TTC39A: variants seen among roughly 807,000 people sequenced by gnomAD.
TTC39A encodes the protein tetratricopeptide repeat domain 39A, also known as tetratricopeptide repeat protein 39A.
A neutral mutation model predicts 82.3 loss-of-function variants in TTC39A; 46 were observed. The ratio of observed to expected loss-of-function variants is 0.56; its 90% CI spans 0.44 to 0.71. The LOEUF (loss-of-function observed/expected upper bound fraction) is 0.71, where lower values mean the gene tolerates loss of function less well. Among genes scored for constraint, TTC39A ranks in the 30% least tolerant of loss-of-function variants. The pLI is 0.00. For synonymous variants in TTC39A, 254 were observed against 275.2 expected, an observed-to-expected ratio of 0.92 and a Z score of 0.76; for missense variants, 543 against 712.9, an observed-to-expected ratio of 0.76 and a Z score of 2.71.
At chr1:51,306,522 C>T (rs1440817075) in intron 6 of TTC39A, among the ~76,000 whole-genome samples, 1 of 152,174 alleles carries the variant, frequency 6.6e-6, no homozygotes, top group South Asian at 2.1e-4. Context: ...TGTCTCCAGA[C>T]ACTGCCAAAA....
intron 1 of TTC39A, among the ~76,000 whole-genome samples, chr1:51,326,863 C>T (rs1645729897): frequency 6.6e-6 from 1 of 152,224 alleles, no homozygotes; most frequent in Non-Finnish European, 1.5e-5. Context: ...ATGGTGGCCT[C>T]TCCACTGTGT....
At chr1:51,299,492 AG>A (rs1485748456) in intron 12 of TTC39A, 2 of 152,292 alleles carry the variant, frequency 1.3e-5, no homozygotes, top group Non-Finnish European at 2.9e-5. Flanking sequence ...CCCCAGGACT[AG>A]AAGTTGGTGG....
At position 51,319,255 on chromosome 1, in the gene TTC39A, CA is replaced by C. The variant is rs772603437; in HGVS notation, c.146+2465del. ...CATATGGTTACAGAGATAAAGAAGT[CA>C]ACAGAAGGAATTAATGAGAAGGGTG... On this transcript the variant is annotated intron_variant, in intron 2 of 17. Transcript: ENST00000680483. Among the ~76,000 whole-genome samples, 7 of 151,846 alleles carry C rather than the reference CA, an allele frequency of 4.6e-5. No homozygotes were observed. The South Asian group carries it at 1.5e-3, about 32-fold the overall frequency.
At chr1:51,300,905 C>T (rs1644626424) in intron 12 of TTC39A, 1 of 152,184 alleles carries the variant, frequency 6.6e-6, no homozygotes. Flanking sequence ...TGGTTGAAAC[C>T]AAGGGGAGGA....
chr1:51,298,515 A>G (rs944230), intron 12 of TTC39A: 10,549 of 152,722 alleles, frequency 0.069, 452 homozygotes, highest in East Asian at 0.19. Flanking sequence ...CTGCCCACAG[A>G]CAGCTCACCC....
intron 14 of TTC39A, among the ~76,000 whole-genome samples, chr1:51,291,351 TGTG>T (rs1644208373): frequency 6.7e-6 from 1 of 149,000 alleles, no homozygotes; most frequent in Non-Finnish European, 1.5e-5. Flanking sequence ...ATTAGCCGGG[TGTG>T]GTGGCACACA....
chr1:51,339,696 G>A (rs1646012580), intron 1 of TTC39A, among the ~76,000 whole-genome samples: 1 of 152,156 alleles, frequency 6.6e-6, no homozygotes. Flanking sequence ...GGCTGAGGTG[G>A]GAGGATCACT....
chr1:51,343,340 C>A (rs1242739613), intron 1 of TTC39A, among the ~76,000 whole-genome samples: 1 of 152,170 alleles, frequency 6.6e-6, no homozygotes, highest in Non-Finnish European at 1.5e-5. Context: ...TAAGTAAATG[C>A]CCTGCTAAAG....
intron 1 of TTC39A, among the ~76,000 whole-genome samples, chr1:51,341,332 T>C (rs1196956878): frequency 6.6e-6 from 1 of 151,898 alleles, no homozygotes; most frequent in Non-Finnish European, 1.5e-5. Flanking sequence ...CAGGTGAGCA[T>C]TAGGAGAGAA....
chr1:51,341,228 GT>G (rs1336501907), intron 1 of TTC39A, among the ~76,000 whole-genome samples: 3 of 128,546 alleles, frequency 2.3e-5, no homozygotes, highest in Non-Finnish European at 4.6e-5. Context: ...ACCAGCTTAT[GT>G]GGCCCCAGAG....
At chr1:51,338,598 C>CTTTTT (rs982499820) in intron 1 of TTC39A, among the ~76,000 whole-genome samples, 4 of 111,834 alleles carry the variant, frequency 3.6e-5, no homozygotes, top group African/African-American at 7.0e-5. Flanking sequence ...GGAGATTTAT[C>CTTTTT]TTTTTTTTTT....
At chr1:51,317,575 C>T (rs902252267) in intron 2 of TTC39A, among the ~76,000 whole-genome samples, 1 of 152,200 alleles carries the variant, frequency 6.6e-6, no homozygotes, top group Admixed American at 6.5e-5. Context: ...ATCGTGAAAC[C>T]CTGTCTCTAC....
At chr1:51,322,385 T>C (rs1293766710) in intron 1 of TTC39A, 1 of 998,388 alleles carries the variant, frequency 1.0e-6, no homozygotes, top group Non-Finnish European at 1.3e-6. Flanking sequence ...ACCTGAGCCC[T>C]TTCCAGTCCT....
intron 2 of TTC39A, among the ~76,000 whole-genome samples, chr1:51,315,571 C>T (rs563984900): frequency 3.3e-5 from 5 of 152,328 alleles, no homozygotes; most frequent in Non-Finnish European, 7.3e-5. Context: ...CCCTACTCCA[C>T]TTTCTGGTCC....
chr1:51,310,166 G>A (rs1645031723), intron 5 of TTC39A, among the ~76,000 whole-genome samples: 1 of 152,138 alleles, frequency 6.6e-6, no homozygotes, highest in Non-Finnish European at 1.5e-5. Flanking sequence ...GAACCCAGGA[G>A]GCGGAGGTTG....
chr1:51,295,179 A>G (rs1393242183), intron 13 of TTC39A, among the ~76,000 whole-genome samples: 1 of 152,116 alleles, frequency 6.6e-6, no homozygotes, highest in East Asian at 1.9e-4. Flanking sequence ...TTCACTGTAG[A>G]ACCTCTCTTG....
At chr1:51,324,072 T>C (rs1333882881) in intron 1 of TTC39A, among the ~76,000 whole-genome samples, 1 of 152,228 alleles carries the variant, frequency 6.6e-6, no homozygotes, top group African/African-American at 2.4e-5. Flanking sequence ...GTTACTTTTT[T>C]AAGTTTATGG....
intron 1 of TTC39A, among the ~76,000 whole-genome samples, chr1:51,344,205 G>A (rs1646069818): frequency 6.6e-6 from 1 of 152,186 alleles, no homozygotes; most frequent in Non-Finnish European, 1.5e-5. Flanking sequence ...AGTTTGAGGT[G>A]TTCATAGGAC....
intron 1 of TTC39A, among the ~76,000 whole-genome samples, chr1:51,342,346 A>T (rs1318108766): frequency 1.3e-5 from 2 of 152,172 alleles, no homozygotes; most frequent in African/African-American, 2.4e-5. Context: ...ACCGAGAAAG[A>T]AGTGAACACC....
Sources: gnomAD v4.1 joint callset for allele counts (sites outside exome capture counted in the v4.1 genomes callset) on GRCh38, gnomAD v4.1.1 for gene constraint, MANE v1.5 for transcripts, NCBI Gene and HGNC (gene_info 2026-07-23, HGNC 2026-07-21) for gene names.